Variants in TERF2IP observed in about 807,000 individuals in gnomAD.
The protein encoded by TERF2IP is TERF2 interacting protein.
A neutral mutation model predicts 33.3 loss-of-function variants in TERF2IP; 35 were observed. That is an observed-to-expected ratio of 1.05 (90% CI 0.80 to 1.39). The LOEUF is 1.39. TERF2IP is among the 40% of genes most tolerant of loss of function. The pLI is 0.00. For missense variants in TERF2IP, 583 were observed against 524.8 expected, an observed-to-expected ratio of 1.11 and a Z score of -1.08; for synonymous variants, 253 against 223.2, an observed-to-expected ratio of 1.13 and a Z score of -1.19.
Position 75,647,984 on chromosome 16 carries a change from G to T in TERF2IP, c.102G>T (p.Arg34=). 1.2e-6 allele frequency: 2 copies of T among 1,613,610 alleles called. No individual in the cohort carries two copies. The highest frequency in any genetic ancestry group is 1.7e-6 in the Non-Finnish European group (2 of 1,179,862). Residue 34 remains arginine, a synonymous_variant, in exon 1 of 3, where the codon CGG becomes CGT. Coordinates refer to ENST00000300086, the MANE Select transcript of TERF2IP (RefSeq NM_018975.4). ...GCAGCTCCATGTCCTTCTACGTGCG[G>T]CCCAGCCCGGCCAAGCGTCGGCTGT... ...DDGSSMSFYV[R]PSPAKRRLST...
chr16:75,650,467 G>T (rs1032443773), intron 1 of TERF2IP, among the ~76,000 whole-genome samples: 1 of 152,160 alleles, frequency 6.6e-6, no homozygotes, highest in East Asian at 1.9e-4. Flanking sequence ...TAGCAGATGA[G>T]GTTAGGGCTA....
At chr16:75,650,187 G>T (rs1567509214) in intron 1 of TERF2IP, among the ~76,000 whole-genome samples, 1 of 152,204 alleles carries the variant, frequency 6.6e-6, no homozygotes, top group Non-Finnish European at 1.5e-5. Flanking sequence ...CTGGGGAGTG[G>T]TAAGGGCTAT....
At chr16:75,653,602 A>C (rs966698265) in intron 1 of TERF2IP, among the ~76,000 whole-genome samples, 1 of 152,260 alleles carries the variant, frequency 6.6e-6, no homozygotes, top group East Asian at 1.9e-4. Context: ...CTTTTTGTAG[A>C]TGGTATATTG....
At chr16:75,655,015 A>C (rs920030213) in intron 2 of TERF2IP, among the ~76,000 whole-genome samples, 5 of 151,596 alleles carry the variant, frequency 3.3e-5, no homozygotes, top group Admixed American at 1.3e-4. Flanking sequence ...GGCGTGAGCC[A>C]CCGCTTTTTG....
In TERF2IP at chr16:75,648,492, C is replaced by G. The variant is rs2082320559; in HGVS notation, c.610C>G (p.Pro204Ala). The G allele has an allele frequency of 6.3e-7, 1 of 1,588,672 alleles. No homozygotes were observed. ...KYLLGDAPVS[P>A]SSQKLKRKAE... The stretch of plus-strand genomic sequence containing the variant: ...CCTGCTGGGGGACGCGCCGGTGAGC[C>G]CCTCCTCCCAGAAGCTCAAGCGGAA... The change falls in exon 1 of 3, where the codon CCC becomes GCC. Residue 204 changes from proline (P) to alanine (A), a missense_variant. Transcript: ENST00000300086.
At chr16:75,651,648 C>A (rs890937962) in intron 1 of TERF2IP, among the ~76,000 whole-genome samples, 1 of 151,982 alleles carries the variant, frequency 6.6e-6, no homozygotes, top group African/African-American at 2.4e-5. Flanking sequence ...GAGATCAAGC[C>A]CCTGCACTCC....
At chr16:75,648,649 G>C (rs1011162926) in intron 1 of TERF2IP, 97 bp downstream of exon 1, 1 of 1,439,154 alleles carries the variant, frequency 6.9e-7, no homozygotes, top group Non-Finnish European at 9.1e-7. Context: ...ATCTTCGGTA[G>C]CAGCGCTTGG....
At chr16:75,649,074 C>T (rs1171017712) in intron 1 of TERF2IP, among the ~76,000 whole-genome samples, 4 of 151,668 alleles carry the variant, frequency 2.6e-5, no homozygotes, top group African/African-American at 9.7e-5. Context: ...GTTGTGTTGC[C>T]CTGACAGGTC....
chr16:75,648,799 C>G, intron 1 of TERF2IP: 1 of 1,078,688 alleles, frequency 9.3e-7, no homozygotes, highest in African/African-American at 1.6e-5. Flanking sequence ...AGCGATCCTC[C>G]TGCCTCGGCC....
Position 75,648,389 on chromosome 16 carries a change from G to A in TERF2IP, c.507G>A (p.Lys169=), listed in dbSNP as rs1434351636. The part of the protein sequence containing the change: ...TGNALWKAME[K]SSLTQHSWQS... ...ACGCCTTGTGGAAAGCGATGGAGAAGAGCTCGCTCACGCAGCACTCGTGGC... is the reference window on the plus strand; with the variant it reads ...ACGCCTTGTGGAAAGCGATGGAGAAAAGCTCGCTCACGCAGCACTCGTGGC... The change falls in exon 1 of 3, where the codon AAG becomes AAA. Residue 169 remains lysine, a synonymous_variant. Transcript: ENST00000300086. 1.2e-6 allele frequency: 2 copies of A among 1,606,944 alleles called. No homozygotes were observed. Among genetic ancestry groups the A allele is most frequent in the South Asian group, 2.2e-5 (2 of 89,552 alleles).
intron 1 of TERF2IP, 181 bp downstream of exon 1, chr16:75,648,733 G>A (rs926127437): frequency 7.0e-7 from 1 of 1,422,290 alleles, no homozygotes; most frequent in Non-Finnish European, 9.2e-7. Context: ...GTTTATTATT[G>A]TTCTTTTTTT....
intron 1 of TERF2IP, among the ~76,000 whole-genome samples, chr16:75,649,525 C>A: frequency 6.7e-6 from 1 of 148,578 alleles, no homozygotes; most frequent in Non-Finnish European, 1.5e-5. Flanking sequence ...GCGTGGGTGA[C>A]AGAGCAAGAC....
At chr16:75,652,497 C>A (rs1284219443) in intron 1 of TERF2IP, among the ~76,000 whole-genome samples, 1 of 152,156 alleles carries the variant, frequency 6.6e-6, no homozygotes, top group East Asian at 1.9e-4. Flanking sequence ...TAGTTCATGG[C>A]ATTTTTTAAA....
intron 2 of TERF2IP, among the ~76,000 whole-genome samples, chr16:75,655,362 A>G (rs1404565169): frequency 6.6e-6 from 1 of 152,260 alleles, no homozygotes; most frequent in Non-Finnish European, 1.5e-5. Context: ...TTAAAGGTCC[A>G]AATTATATGT....
In TERF2IP at chr16:75,648,181, G is replaced by A. The variant is rs762218183; in HGVS notation, c.299G>A (p.Arg100Gln). The change falls in exon 1 of 3, where the codon CGG becomes CAG. Residue 100 changes from arginine to glutamine, a missense_variant. Physicochemically the swap from Arg to Gln is conservative, Grantham distance 43. Transcript: ENST00000300086. ...GAGAGGCTGGAGCTGGAGGCCTATC[G>A]GCTGGGCCCCGCCTCGGCGGCGGAC... is the stretch of plus-strand genomic sequence containing the variant. ...RNERLELEAY[R>Q]LGPASAADTG... The A allele has an allele frequency of 3.8e-6, 6 of 1,559,640 alleles. No homozygotes were observed. Among genetic ancestry groups the A allele is most frequent in the East Asian group, 2.3e-5 (1 of 43,106 alleles).
chr16:75,656,432 G>C lies in TERF2IP; in HGVS notation c.1021G>C (p.Gly341Arg), dbSNP rs2082386827. ...TACACAGGCCTTCCTAAAAAATAGT[G>C]GTGAGCTGGAGGCTACTTCCGCCTT... ...TVTQAFLKNS[G>R]ELEATSAFLA... Residue 341 changes from glycine (G) to arginine (R), a missense_variant, in exon 3 of 3, where the codon GGT becomes CGT. Gly to Arg is a moderately radical substitution (Grantham distance 125). Transcript: ENST00000300086. 2 of 1,614,192 alleles carry C rather than the reference G, an allele frequency of 1.2e-6. No homozygotes were observed. The highest frequency in any genetic ancestry group is 1.7e-6 in the Non-Finnish European group (2 of 1,180,034).
At position 75,656,488 on chromosome 16, in the gene TERF2IP, T is replaced by A; in HGVS notation, c.1077T>A (p.Tyr359Ter). 4 of 1,614,174 alleles carry A rather than the reference T, an allele frequency of 2.5e-6. No individual in the cohort carries two copies. Among genetic ancestry groups the A allele is most frequent in the Non-Finnish European group, 3.4e-6 (4 of 1,180,028 alleles). ...CGTCTGGTCAGAGAGCTGATGGATA[T>A]CCCATTTGGTCCCGACAAGATGACA... The part of the protein sequence containing the change: ...FLASGQRADG[Y>*]PIWSRQDDID... Residue 359 changes from tyrosine (Y) to a stop codon, truncating the protein, a stop_gained, in exon 3 of 3, where the codon TAT becomes TAA. Coordinates refer to ENST00000300086, the MANE Select transcript of TERF2IP (RefSeq NM_018975.4). LOFTEE classifies it high-confidence loss of function.
rs760738993 is a variant in TERF2IP, at chr16:75,648,048, G to C, written c.166G>C (p.Val56Leu). 13 of 1,605,762 alleles carry C rather than the reference G, an allele frequency of 8.1e-6. No individual in the cohort carries two copies. The highest frequency in any genetic ancestry group is 1.1e-5 in the Non-Finnish European group (13 of 1,176,416). The change falls in exon 1 of 3, where the codon GTG becomes CTG. Residue 56 changes from valine (V) to leucine (L), a missense_variant. By Grantham distance (32) the Val-to-Leu change is conservative (BLOSUM62 1). Transcript: ENST00000300086. ...GCACGGCGGCGGCACCGTGTGCCGA[G>C]TGCAGGAGCCCGGGGCCGTGCTGCT... ...ILHGGGTVCRVQEPGAVLLAQ... is the reference protein window; with the variant it reads ...ILHGGGTVCRLQEPGAVLLAQ...
chr16:75,655,640 C>G (rs1417189332), intron 2 of TERF2IP, among the ~76,000 whole-genome samples: 1 of 152,162 alleles, frequency 6.6e-6, no homozygotes, highest in Admixed American at 6.5e-5. Context: ...CCTACCTAGG[C>G]CTCTTCTCAT....
Sources: allele counts gnomAD v4.1 joint callset (sites outside exome capture counted in the v4.1 genomes callset), GRCh38; gene constraint gnomAD v4.1.1; transcripts MANE v1.5; gene names NCBI Gene and HGNC (gene_info 2026-07-23, HGNC 2026-07-21).